Variants in SMOC2 observed in about 807,000 individuals in gnomAD.
SMOC2 encodes the protein SPARC-related modular calcium-binding protein 2.
Under a neutral mutation model 61.4 loss-of-function variants are expected in SMOC2, and 39 were observed. The ratio of observed to expected loss-of-function variants is 0.64; its 90% CI spans 0.49 to 0.83. SMOC2 has a LOEUF of 0.83. Among genes scored for constraint, SMOC2 ranks in the 40% least tolerant of loss-of-function variants. The pLI is 0.00. For synonymous variants in SMOC2, 247 were observed against 239.9 expected (o/e 1.03, Z -0.27); for missense variants, 556 against 592.9 (o/e 0.94, Z 0.65).
chr6:168,622,783 A>C (rs16886235), intron 9 of SMOC2, among the ~76,000 whole-genome samples: 3,626 of 152,188 alleles, frequency 0.024, 279 homozygotes, highest in Admixed American at 0.16. Context: ...AAAATGCTTT[A>C]CTGCAAAAGT....
chr6:168,520,038 G>A (rs1196618424), intron 2 of SMOC2, among the ~76,000 whole-genome samples: 1 of 152,134 alleles, frequency 6.6e-6, no homozygotes, highest in East Asian at 1.9e-4. Flanking sequence ...AAATGGTGTC[G>A]TTCTGGTCAT....
chr6:168,454,194 C>T (rs764741465), intron 1 of SMOC2, among the ~76,000 whole-genome samples: 3 of 152,136 alleles, frequency 2.0e-5, no homozygotes, highest in South Asian at 2.1e-4. Flanking sequence ...GCCCTGTGGC[C>T]GTCTCTCCTG....
At chr6:168,530,496 A>C (rs1234693889) in intron 4 of SMOC2, among the ~76,000 whole-genome samples, 2 of 152,166 alleles carry the variant, frequency 1.3e-5, no homozygotes, top group African/African-American at 4.8e-5. Context: ...AAAGGAAAAA[A>C]TCCTGATGAC....
chr6:168,562,673 G>A (rs1013303669), intron 7 of SMOC2, among the ~76,000 whole-genome samples: 3 of 152,190 alleles, frequency 2.0e-5, no homozygotes, highest in Admixed American at 1.3e-4. Context: ...TCTGATTTAC[G>A]CATCCGGGGT....
intron 4 of SMOC2, among the ~76,000 whole-genome samples, chr6:168,538,894 G>A (rs1042684552): frequency 2.0e-5 from 3 of 152,094 alleles, no homozygotes; most frequent in African/African-American, 7.2e-5. Flanking sequence ...CTTTAGAGGA[G>A]AGGGCTGCTG....
chr6:168,605,123 T>A (rs760833687), intron 8 of SMOC2, among the ~76,000 whole-genome samples: 10 of 152,144 alleles, frequency 6.6e-5, no homozygotes, highest in Non-Finnish European at 1.5e-4. Context: ...GTCAGGCTGA[T>A]GGCCAGATTC....
At chr6:168,470,626 G>C (rs546298350) in intron 1 of SMOC2, among the ~76,000 whole-genome samples, 2 of 152,288 alleles carry the variant, frequency 1.3e-5, no homozygotes, top group South Asian at 4.1e-4. Flanking sequence ...GCAGTGAGCT[G>C]AGATAGTGCC....
At chr6:168,549,897 TA>T (rs1269280166) in intron 7 of SMOC2, among the ~76,000 whole-genome samples, 1 of 152,260 alleles carries the variant, frequency 6.6e-6, no homozygotes, top group Non-Finnish European at 1.5e-5. Context: ...TCAGAGATGT[TA>T]AAACACTTTG....
intron 9 of SMOC2, among the ~76,000 whole-genome samples, chr6:168,616,858 G>A (rs1204666920): frequency 1.3e-5 from 2 of 152,210 alleles, no homozygotes; most frequent in Non-Finnish European, 2.9e-5. Flanking sequence ...AAGAACCGGT[G>A]TCTGTGGAGC....
At chr6:168,599,028 C>T in intron 8 of SMOC2, 24 bp downstream of exon 8, 2 of 1,552,542 alleles carry the variant, frequency 1.3e-6, no homozygotes, top group Non-Finnish European at 1.7e-6. Flanking sequence ...ACCCACCCCC[C>T]CCGGGACCAT....
chr6:168,576,395 C>T (rs766917518), intron 7 of SMOC2, among the ~76,000 whole-genome samples: 28 of 152,108 alleles, frequency 1.8e-4, no homozygotes, highest in African/African-American at 3.4e-4. Context: ...ATCTGAGGCA[C>T]GTCCAGTCGG....
intron 9 of SMOC2, among the ~76,000 whole-genome samples, chr6:168,613,656 G>A (rs576496896): frequency 3.6e-4 from 42 of 118,168 alleles, no homozygotes; most frequent in African/African-American, 1.3e-3. Context: ...GCCAGCACAT[G>A]GAGCCTCTTC....
chr6:168,607,558 A>G lies in SMOC2; in HGVS notation c.825-599A>G, dbSNP rs555415614. On this transcript the variant is annotated intron_variant, in intron 8 of 12. Coordinates refer to ENST00000356284, the MANE Select transcript of SMOC2 (RefSeq NM_001166412.2). ...TTCAGGACTTAACCTGCAGTTTGTCATTGATGCTAAGTGGGACCAGAGAGT... is the reference window on the plus strand; with the variant it reads ...TTCAGGACTTAACCTGCAGTTTGTCGTTGATGCTAAGTGGGACCAGAGAGT... Among the ~76,000 whole-genome samples, 8 of 150,172 alleles carry G rather than the reference A, an allele frequency of 5.3e-5. No individual in the cohort carries two copies. The South Asian group carries it at 1.7e-3, about 32-fold the overall frequency.
In SMOC2 at chr6:168,650,655, T is replaced by C. The variant is rs747137584; in HGVS notation, c.908-26T>C. 9 of 1,600,788 alleles carry C rather than the reference T, an allele frequency of 5.6e-6. No individual in the cohort carries two copies. In the African/African-American group the frequency reaches 6.7e-5, roughly 12 times the overall value. ...AATCTGTTAGGCTTTATGAGTTAAT[T>C]ATGAAAACATACACGTGTTTTTCAG... On this transcript the variant is annotated intron_variant, in intron 9 of 12. Transcript: ENST00000356284.
At chr6:168,481,856 A>G (rs1452978563) in intron 1 of SMOC2, among the ~76,000 whole-genome samples, 1 of 152,134 alleles carries the variant, frequency 6.6e-6, no homozygotes, top group South Asian at 2.1e-4. Flanking sequence ...CCAAAAAAAT[A>G]ACCAAAATAA....
At chr6:168,457,411 G>A (rs751842271) in intron 1 of SMOC2, among the ~76,000 whole-genome samples, 25 of 151,022 alleles carry the variant, frequency 1.7e-4, no homozygotes, top group African/African-American at 4.6e-4. Flanking sequence ...TGGACTCAGC[G>A]ACAAACGGCA....
intron 7 of SMOC2, among the ~76,000 whole-genome samples, chr6:168,597,002 T>TA (rs964844753): frequency 3.9e-5 from 6 of 152,248 alleles, no homozygotes; most frequent in Admixed American, 1.3e-4. Flanking sequence ...GAGCTTATTC[T>TA]AAAAAATGTT....
intron 2 of SMOC2, 131 bp downstream of exon 2, chr6:168,510,217 A>G (rs1490634920): frequency 2.5e-6 from 2 of 791,822 alleles, no homozygotes; most frequent in East Asian, 2.7e-5. Flanking sequence ...TTTTTACAGC[A>G]TGTAAGGAAG....
At chr6:168,522,579 G>A (rs937112627) in intron 2 of SMOC2, among the ~76,000 whole-genome samples, 2 of 152,154 alleles carry the variant, frequency 1.3e-5, no homozygotes, top group African/African-American at 4.8e-5. Context: ...GCTAAATGAA[G>A]GAAGCCAGAC....
Sources: allele counts gnomAD v4.1 joint callset (sites outside exome capture counted in the v4.1 genomes callset), GRCh38; gene constraint gnomAD v4.1.1; transcripts MANE v1.5; gene names NCBI Gene and HGNC (gene_info 2026-07-23, HGNC 2026-07-21).